ELMOD2: variants seen among roughly 807,000 people sequenced by gnomAD.
ELMOD2 encodes ELMO domain containing 2.
ELMOD2 carries 28 observed loss-of-function variants against 41.0 expected under a neutral mutation model. That is an observed-to-expected ratio of 0.68 (90% confidence interval 0.51 to 0.94). The LOEUF (loss-of-function observed/expected upper bound fraction) is 0.94, where lower values mean the gene tolerates loss of function less well. Ranked by LOEUF, ELMOD2 falls within the 40% of genes least tolerant of loss-of-function variation. The pLI is 0.00. For missense variants in ELMOD2, 333 were observed against 343.1 expected, an observed-to-expected ratio of 0.97 and a Z score of 0.23; for synonymous variants, 106 against 107.2, an observed-to-expected ratio of 0.99 and a Z score of 0.07.
At chr4:140,542,838 T>C (rs1483297847) in intron 7 of ELMOD2, among the ~76,000 whole-genome samples, 196 bp downstream of exon 7, 1 of 151,952 alleles carries the variant, frequency 6.6e-6, no homozygotes, top group African/African-American at 2.4e-5. Flanking sequence ...TTCAGTATAT[T>C]TTTATCACAA....
At chr4:140,530,079 A>G (rs979172780) in intron 3 of ELMOD2, among the ~76,000 whole-genome samples, 3 of 152,208 alleles carry the variant, frequency 2.0e-5, no homozygotes, top group Admixed American at 2.0e-4. Context: ...GTAAATGAAA[A>G]TTAACTTTTT....
At chr4:140,528,272 A>G (rs903829515) in intron 3 of ELMOD2, among the ~76,000 whole-genome samples, 2 of 152,202 alleles carry the variant, frequency 1.3e-5, no homozygotes, top group Non-Finnish European at 2.9e-5. Context: ...TTACAAGGTA[A>G]TGAAGAATTG....
chr4:140,547,192 T>G (rs1355815926), intron 8 of ELMOD2, among the ~76,000 whole-genome samples: 1 of 152,190 alleles, frequency 6.6e-6, no homozygotes, highest in Non-Finnish European at 1.5e-5. Flanking sequence ...GGTCATAGTT[T>G]CTCTCCAGAA....
At chr4:140,540,357 A>G (rs1735067566) in intron 6 of ELMOD2, 56 bp downstream of exon 6, 1 of 1,594,610 alleles carries the variant, frequency 6.3e-7, no homozygotes, top group Non-Finnish European at 8.6e-7. Flanking sequence ...TTAATCTCTG[A>G]TCTAGTTACT....
At chr4:140,524,310 G>A (rs1406594860) in intron 1 of ELMOD2, 30 bp downstream of exon 1, 4 of 152,112 alleles carry the variant, frequency 2.6e-5, no homozygotes, top group Admixed American at 2.6e-4. Context: ...CTCTTGCCCC[G>A]GATGCCTCGG....
intron 3 of ELMOD2, among the ~76,000 whole-genome samples, chr4:140,528,886 C>T (rs573023026): frequency 2.8e-4 from 43 of 152,228 alleles, no homozygotes; most frequent in African/African-American, 1.0e-3. Context: ...ATGTGGAGGT[C>T]CTGAAAGCTA....
Position 140,546,610 on chromosome 4 carries a change from T to TA in ELMOD2, c.736+3037dup, listed in dbSNP as rs1015879097. Among the ~76,000 whole-genome samples the TA allele has an allele frequency of 5.6e-3, 831 of 147,146 alleles. 9 individuals carry two copies. The highest frequency in any genetic ancestry group is 0.014 in the Middle Eastern group (4 of 286). On this transcript the variant is annotated intron_variant, in intron 8 of 8. Coordinates refer to ENST00000323570, the MANE Select transcript of ELMOD2 (RefSeq NM_153702.4). The stretch of plus-strand genomic sequence containing the variant: ...CTTAAAAAATAAATCTTCATAAAAT[T>TA]AAAAAAAAAAAAAGAATTTGAAAAC...
rs1030496761 is a variant in ELMOD2, at chr4:140,551,153, C to T, written c.*778C>T. 6.6e-6 allele frequency: 1 copy of T among 152,078 alleles called. No individual in the cohort carries two copies. Among genetic ancestry groups the T allele is most frequent in the African/African-American group, 2.4e-5 (1 of 41,430 alleles). The allele number at this position is 152,078 out of a possible 1,614,324, so 9.4% of individuals were successfully genotyped here. ...ACCTATGTATGCTTATGAAACCGCT[C>T]TACCTACATATGAAACTTCTCTACC... On this transcript the variant is annotated 3_prime_UTR_variant, in exon 9 of 9. Transcript: ENST00000323570.
Position 140,550,501 on chromosome 4 carries a change from T to A in ELMOD2, c.*126T>A. 2 of 1,029,890 alleles carry A rather than the reference T, an allele frequency of 1.9e-6. No homozygotes were observed. Among genetic ancestry groups the A allele is most frequent in the South Asian group, 1.8e-5 (1 of 55,804 alleles). 63.8% of individuals were successfully genotyped at this position (1,029,890 alleles called of 1,614,324 possible). On this transcript the variant is annotated 3_prime_UTR_variant, in exon 9 of 9. Transcript: ENST00000323570. ...TTTCCTACAAAAATATTTCAGAAAT[T>A]CTATTTAAGAAAGCTAGTGGACAAT...
Position 140,543,514 on chromosome 4 carries a change from G to C in ELMOD2, c.664G>C (p.Glu222Gln). 1 of 1,606,394 alleles carries C rather than the reference G, an allele frequency of 6.2e-7. No individual in the cohort carries two copies. The highest frequency in any genetic ancestry group is 8.5e-7 in the Non-Finnish European group (1 of 1,177,576). The change falls in exon 8 of 9, where the codon GAA becomes CAA. Residue 222 changes from glutamate (E) to glutamine (Q), a missense_variant. Glu to Gln is a conservative substitution (Grantham distance 29). Coordinates refer to ENST00000323570, the MANE Select transcript of ELMOD2 (RefSeq NM_153702.4). ...TEMAYSLLKS[E>Q]ALKFHLYNLV... ...GATGGCTTATAGCTTACTGAAGAGT[G>C]AAGCTTTGAAGTTTCATCTCTATAA...
chr4:140,535,218 T>C (rs1001742997), intron 3 of ELMOD2, among the ~76,000 whole-genome samples: 1 of 151,790 alleles, frequency 6.6e-6, no homozygotes, highest in African/African-American at 2.4e-5. Flanking sequence ...ATTTTTATTT[T>C]TCTTACCATT....
At chr4:140,542,792 A>T in intron 7 of ELMOD2, 150 bp downstream of exon 7, 1 of 579,492 alleles carries the variant, frequency 1.7e-6, no homozygotes, top group South Asian at 4.3e-5. Context: ...ATTATTTTTA[A>T]GGAAAAATGT....
chr4:140,542,649 TGGGTA>T lies in ELMOD2; in HGVS notation c.602+8_602+12del. On this transcript the variant is annotated splice_region_variant and intron_variant, in intron 7 of 8. Transcript: ENST00000323570. ...CAAATCATCCAAAATTAGGGTAAGC[TGGGTA>T]TATTAAAGAAGCCGTAATCTCTTGC... 6.3e-7 allele frequency: 1 copy of T among 1,598,348 alleles called. No individual in the cohort carries two copies.
chr4:140,533,921 C>A (rs769946232), intron 3 of ELMOD2, among the ~76,000 whole-genome samples: 1 of 151,906 alleles, frequency 6.6e-6, no homozygotes, highest in Non-Finnish European at 1.5e-5. Flanking sequence ...TGAGAAGACA[C>A]TACATACCTA....
chr4:140,534,996 C>T (rs1734867144), intron 3 of ELMOD2, among the ~76,000 whole-genome samples: 1 of 152,172 alleles, frequency 6.6e-6, no homozygotes, highest in Non-Finnish European at 1.5e-5. Context: ...TAAGCTTCAA[C>T]ACTCTTCCTG....
In ELMOD2 at chr4:140,542,597, G is replaced by A. The variant is rs1735142055; in HGVS notation, c.557G>A (p.Ser186Asn). The change falls in exon 7 of 9, where the codon AGT becomes AAT. Residue 186 changes from serine (S) to asparagine (N), a missense_variant. Transcript: ENST00000323570. ...AGGTATTTCAGTGAAAATTACACTA[G>A]TGAAGCTCATCAGATTCTTTCCCGT... The part of the protein sequence containing the change: ...NLVYFSENYT[S>N]EAHQILSRSN... 7.5e-6 allele frequency: 12 copies of A among 1,606,160 alleles called. No individual in the cohort carries two copies. The highest frequency in any genetic ancestry group is 1.0e-5 in the Non-Finnish European group (12 of 1,175,842).
chr4:140,550,385 T>C lies in ELMOD2; in HGVS notation c.*10T>C, dbSNP rs781334358. 12 of 1,586,128 alleles carry C rather than the reference T, an allele frequency of 7.6e-6. No homozygotes were observed. The highest frequency in any genetic ancestry group is 1.2e-5 in the South Asian group (1 of 86,084). On this transcript the variant is annotated 3_prime_UTR_variant, in exon 9 of 9. Transcript: ENST00000323570. ...TACTTTAAAAGTATAAATCATCCAC[T>C]GTATCTTCTATTTCTACCACATTTT...
In ELMOD2 at chr4:140,550,352, G is replaced by A. The variant is rs991313589; in HGVS notation, c.859G>A (p.Val287Ile). Residue 287 changes from valine to isoleucine, a missense_variant, in exon 9 of 9, where the codon GTA becomes ATA. Physicochemically the swap from Val to Ile is conservative, Grantham distance 29 (BLOSUM62 3). Transcript: ENST00000323570. Reference sequence around the variant, plus strand: ...TAAAGGACTTTTACTGGATTGTAATGTAGCACTTACTTTAAAAGTATAAAT... The same window carrying A: ...TAAAGGACTTTTACTGGATTGTAATATAGCACTTACTTTAAAAGTATAAAT... ...KIKGLLLDCN[V>I]ALTLKV 1.9e-6 allele frequency: 3 copies of A among 1,605,844 alleles called. No homozygotes were observed. The highest frequency in any genetic ancestry group is 1.7e-5 in the Admixed American group (1 of 58,506).
At chr4:140,531,957 CT>C (rs1413470822) in intron 3 of ELMOD2, among the ~76,000 whole-genome samples, 1 of 152,118 alleles carries the variant, frequency 6.6e-6, no homozygotes, top group Non-Finnish European at 1.5e-5. Context: ...AATAATACCA[CT>C]ATTACATTAA....
Sources: allele counts gnomAD v4.1 joint callset (sites outside exome capture counted in the v4.1 genomes callset), GRCh38; gene constraint gnomAD v4.1.1; transcripts MANE v1.5; gene names NCBI Gene and HGNC (gene_info 2026-07-23, HGNC 2026-07-21).